The following DIAPH3 variants were observed in gnomAD, a reference collection of about 807,000 sequenced individuals.
The protein encoded by DIAPH3 is diaphanous related formin 3.
A neutral mutation model predicts 144.3 loss-of-function variants in DIAPH3; 117 were observed. The observed-to-expected ratio is 0.81, with a 90% CI of 0.70 to 0.95. The LOEUF is 0.95. DIAPH3 is among the 40% of genes least tolerant of loss of function. The pLI, the probability that DIAPH3 is intolerant of heterozygous loss-of-function variation, is 0.00. For synonymous variants in DIAPH3, 519 were observed against 488.9 expected, an observed-to-expected ratio of 1.06 and a Z score of -0.81; for missense variants, 1,421 against 1,412.7, an observed-to-expected ratio of 1.01 and a Z score of -0.09.
intron 20 of DIAPH3, among the ~76,000 whole-genome samples, chr13:59,906,995 G>A (rs908578207): frequency 6.6e-6 from 1 of 152,136 alleles, no homozygotes; most frequent in Non-Finnish European, 1.5e-5. Context: ...CTACTCCATC[G>A]GAATCAACCC....
At chr13:59,671,622 A>G (rs1213683376) in intron 27 of DIAPH3, among the ~76,000 whole-genome samples, 1 of 152,200 alleles carries the variant, frequency 6.6e-6, no homozygotes, top group Non-Finnish European at 1.5e-5. Context: ...TATTCTTAGT[A>G]CCAATTCAGT....
intron 18 of DIAPH3, among the ~76,000 whole-genome samples, chr13:59,918,146 A>C (rs1397508685): frequency 8.7e-5 from 13 of 150,076 alleles, no homozygotes. Flanking sequence ...AGATACATTG[A>C]TTATGTAAAG....
intron 20 of DIAPH3, among the ~76,000 whole-genome samples, chr13:59,889,074 T>A (rs944962718): frequency 6.6e-6 from 1 of 152,074 alleles, no homozygotes; most frequent in Non-Finnish European, 1.5e-5. Context: ...TTTACTAGGC[T>A]GTGCCATGAT....
intron 22 of DIAPH3, among the ~76,000 whole-genome samples, chr13:59,847,010 T>C (rs748985819): frequency 2.0e-5 from 3 of 152,136 alleles, no homozygotes; most frequent in Non-Finnish European, 2.9e-5. Context: ...GCCCAGGAAT[T>C]TGAAGTTACA....
chr13:60,119,256 G>T (rs930937948), intron 2 of DIAPH3, among the ~76,000 whole-genome samples: 23 of 152,186 alleles, frequency 1.5e-4, no homozygotes, highest in African/African-American at 5.5e-4. Flanking sequence ...ACATGACAAA[G>T]AATTGAGGGC....
chr13:59,847,990 A>G (rs140369305), intron 22 of DIAPH3, among the ~76,000 whole-genome samples: 1 of 152,140 alleles, frequency 6.6e-6, no homozygotes, highest in Non-Finnish European at 1.5e-5. Flanking sequence ...ATTAGTTTTT[A>G]TAACTCTTTT....
chr13:59,828,095 G>A (rs1279364742), intron 24 of DIAPH3, among the ~76,000 whole-genome samples: 5 of 151,906 alleles, frequency 3.3e-5, no homozygotes, highest in East Asian at 1.9e-4. Flanking sequence ...CTTGATGCCC[G>A]ATACGCCACC....
intron 17 of DIAPH3, among the ~76,000 whole-genome samples, chr13:59,950,577 C>G: frequency 6.6e-6 from 1 of 152,102 alleles, no homozygotes; most frequent in East Asian, 1.9e-4. Context: ...GGTTGAATCA[C>G]AAAACCTATG....
chr13:60,025,404 CAAAAAA>C (rs370177105), intron 5 of DIAPH3, among the ~76,000 whole-genome samples: 4 of 68,148 alleles, frequency 5.9e-5, no homozygotes, highest in Middle Eastern at 0.01. Flanking sequence ...TTGTGCTTAG[CAAAAAA>C]AAAAAAAAAA....
chr13:59,738,689 C>T (rs1287613456), intron 27 of DIAPH3, among the ~76,000 whole-genome samples: 2 of 152,182 alleles, frequency 1.3e-5, no homozygotes, highest in African/African-American at 4.8e-5. Flanking sequence ...TAAGTGGCAC[C>T]ACTTTAAAAA....
chr13:59,824,889 A>G (rs1181379489), intron 24 of DIAPH3, among the ~76,000 whole-genome samples: 1 of 152,128 alleles, frequency 6.6e-6, no homozygotes, highest in Admixed American at 6.6e-5. Flanking sequence ...TCAGTACTTT[A>G]AAATCCCATC....
intron 27 of DIAPH3, among the ~76,000 whole-genome samples, chr13:59,725,129 G>A (rs1162495198): frequency 6.6e-6 from 1 of 152,224 alleles, no homozygotes; most frequent in East Asian, 1.9e-4. Context: ...TTTTGCTCAA[G>A]TCTGGTGAGA....
intron 22 of DIAPH3, among the ~76,000 whole-genome samples, chr13:59,852,439 G>A (rs1271518889): frequency 6.6e-6 from 1 of 152,184 alleles, no homozygotes. Context: ...TAAACTCAGA[G>A]TTGAAGAGTT....
chr13:60,104,381 TAAAAGA>T (rs1291789582), intron 3 of DIAPH3, among the ~76,000 whole-genome samples: 2 of 152,096 alleles, frequency 1.3e-5, no homozygotes, highest in African/African-American at 4.8e-5. Context: ...CCATTAAAAT[TAAAAGA>T]AAGTCAGATG....
intron 4 of DIAPH3, among the ~76,000 whole-genome samples, chr13:60,067,908 G>A (rs1401425911): frequency 6.6e-6 from 1 of 151,346 alleles, no homozygotes; most frequent in Non-Finnish European, 1.5e-5. Flanking sequence ...ATCCTATATA[G>A]GTGTGTGCAT....
chr13:59,805,874 A>G (rs2040167967), intron 25 of DIAPH3, among the ~76,000 whole-genome samples: 1 of 151,978 alleles, frequency 6.6e-6, no homozygotes, highest in African/African-American at 2.4e-5. Context: ...TTCTGAAATG[A>G]TAGTGATAGT....
rs551086230 is a variant in DIAPH3, at chr13:60,081,586, A to G, written c.495+12042T>C. ...ATCTCCCACAAAAAAAGACAAAATA[A>G]CTAAGTAGCAAAATCAAACACCCAA... is the stretch of plus-strand genomic sequence containing the variant. On this transcript the variant is annotated intron_variant, in intron 4 of 27. Transcript: ENST00000400324. 5.9e-5 allele frequency among the ~76,000 whole-genome samples: 9 copies of G among 152,136 alleles called. No homozygotes were observed. In the East Asian group the frequency reaches 1.5e-3, roughly 26 times the overall value.
intron 21 of DIAPH3, among the ~76,000 whole-genome samples, chr13:59,864,479 C>G (rs1052463734): frequency 6.6e-6 from 1 of 151,712 alleles, no homozygotes; most frequent in East Asian, 2.0e-4. Context: ...AGACAATCAC[C>G]ATCTACCTTC....
At chr13:59,992,394 A>C (rs536420053) in intron 10 of DIAPH3, 79 bp downstream of exon 10, 17 of 1,247,090 alleles carry the variant, frequency 1.4e-5, no homozygotes, top group Non-Finnish European at 1.5e-5. Flanking sequence ...ATTATTCTTC[A>C]AGGTAATTTA....
Sources: gnomAD v4.1 joint callset for allele counts (sites outside exome capture counted in the v4.1 genomes callset) on GRCh38, gnomAD v4.1.1 for gene constraint, MANE v1.5 for transcripts, NCBI Gene and HGNC (gene_info 2026-07-23, HGNC 2026-07-21) for gene names.